NALCN: variants seen among roughly 807,000 people sequenced by gnomAD.
The protein encoded by NALCN is sodium leak channel NALCN.
NALCN carries 111 observed loss-of-function variants against 225.3 expected under a neutral mutation model. The ratio of observed to expected loss-of-function variants is 0.49; its 90% CI spans 0.42 to 0.58. The LOEUF (loss-of-function observed/expected upper bound fraction) is 0.58. Among genes scored for constraint, NALCN ranks in the 20% least tolerant of loss-of-function variants. The pLI is 0.00. For missense variants in NALCN, 1,378 were observed against 2,202.4 expected (o/e 0.63, Z 7.49); for synonymous variants, 764 against 769.0 (o/e 0.99, Z 0.11).
At chr13:101,293,825 G>A (rs1436450694) in intron 7 of NALCN, among the ~76,000 whole-genome samples, 1 of 152,164 alleles carries the variant, frequency 6.6e-6, no homozygotes, top group Non-Finnish European at 1.5e-5. Context: ...ATTAATGTGT[G>A]CTAATATACT....
At chr13:101,081,195 G>A (rs2033627958) in intron 34 of NALCN, among the ~76,000 whole-genome samples, 1 of 152,232 alleles carries the variant, frequency 6.6e-6, no homozygotes, top group Admixed American at 6.5e-5. Flanking sequence ...ACAGTTCTCA[G>A]TCTCTGTTGC....
intron 39 of NALCN, 130 bp downstream of exon 39, chr13:101,067,788 T>C (rs2139438107): frequency 2.9e-6 from 2 of 697,128 alleles, no homozygotes; most frequent in Non-Finnish European, 5.1e-6. Context: ...CTGTAAATGA[T>C]GGCTTTCTGC....
intron 30 of NALCN, among the ~76,000 whole-genome samples, chr13:101,088,161 G>A (rs1566799121): frequency 6.6e-6 from 1 of 152,116 alleles, no homozygotes; most frequent in Non-Finnish European, 1.5e-5. Flanking sequence ...GAGGGTCCAA[G>A]TAGAGTCGGG....
At chr13:101,173,102 C>G (rs888396463) in intron 15 of NALCN, among the ~76,000 whole-genome samples, 1 of 152,218 alleles carries the variant, frequency 6.6e-6, no homozygotes, top group Non-Finnish European at 1.5e-5. Flanking sequence ...CGCAGCAAGA[C>G]TGTAACTCCA....
chr13:101,097,561 C>T (rs1473451054), intron 27 of NALCN, among the ~76,000 whole-genome samples: 3 of 152,180 alleles, frequency 2.0e-5, no homozygotes, highest in Non-Finnish European at 4.4e-5. Context: ...CCTGCTTCTC[C>T]ACTTATTAGG....
In NALCN at chr13:101,133,952, G is replaced by A. The variant is rs542367946; in HGVS notation, c.2118+9128C>T. On this transcript the variant is annotated intron_variant, in intron 17 of 43. Coordinates refer to ENST00000251127, the MANE Select transcript of NALCN (RefSeq NM_052867.4). ...TGGGAGGCCGAGGTGGGTGGATCAC[G>A]AGGTCAGGAGATCGAGACCATCCTG... is the stretch of plus-strand genomic sequence containing the variant. 1.4e-3 allele frequency among the ~76,000 whole-genome samples: 208 copies of A among 152,170 alleles called. 1 individual carries two copies. The highest frequency in any genetic ancestry group is 4.6e-3 in the African/African-American group (189 of 41,522).
At chr13:101,374,527 T>G (rs887803208) in intron 6 of NALCN, among the ~76,000 whole-genome samples, 3 of 152,106 alleles carry the variant, frequency 2.0e-5, no homozygotes, top group Non-Finnish European at 4.4e-5. Context: ...CCTCAGGTTA[T>G]CTACCCTCCT....
intron 6 of NALCN, among the ~76,000 whole-genome samples, chr13:101,369,383 C>T (rs562859458): frequency 1.3e-5 from 2 of 152,168 alleles, no homozygotes; most frequent in African/African-American, 4.8e-5. Context: ...TGTTTTCATG[C>T]ATTTTTTCAG....
intron 15 of NALCN, among the ~76,000 whole-genome samples, chr13:101,148,502 C>T (rs1329975267): frequency 6.6e-6 from 1 of 152,192 alleles, no homozygotes; most frequent in African/African-American, 2.4e-5. Context: ...AAGATGGTCT[C>T]ATTCTGAGGA....
In NALCN at chr13:101,395,504, C is replaced by T. The variant is rs899503653; in HGVS notation, c.109-139G>A. 9.8e-6 allele frequency: 7 copies of T among 715,816 alleles called. No individual in the cohort carries two copies. In the Admixed American group the frequency reaches 1.1e-4, roughly 11 times the overall value. The allele number at this position is 715,816 out of a possible 1,614,324, so 44.3% of individuals were successfully genotyped here. ...TGGAGGTGAAGAAGAAGAAATCTAA[C>T]ACTAAGTGCATATAATGTGCTACAA... is the stretch of plus-strand genomic sequence containing the variant. On this transcript the variant is annotated intron_variant, in intron 2 of 43. Coordinates refer to ENST00000251127, the MANE Select transcript of NALCN (RefSeq NM_052867.4).
At chr13:101,055,595 T>A in intron 43 of NALCN, 107 bp from the exon 44 acceptor site, 1 of 873,206 alleles carries the variant, frequency 1.1e-6, no homozygotes, top group South Asian at 2.0e-5. Flanking sequence ...GGCTAACGTG[T>A]CCTAGCCACA....
chr13:101,374,880 A>T (rs2046644283), intron 6 of NALCN, among the ~76,000 whole-genome samples: 1 of 152,230 alleles, frequency 6.6e-6, no homozygotes, highest in Admixed American at 6.5e-5. Context: ...TTATATAATT[A>T]TTAGGAGTTG....
intron 2 of NALCN, 118 bp from the exon 3 acceptor site, chr13:101,395,483 G>A: frequency 1.1e-6 from 1 of 893,648 alleles, no homozygotes; most frequent in South Asian, 2.1e-5. Flanking sequence ...CTAATGTGGA[G>A]GTGAAGAAGA....
intron 40 of NALCN, 119 bp from the exon 41 acceptor site, chr13:101,062,237 A>C: frequency 1.8e-6 from 2 of 1,083,326 alleles, no homozygotes; most frequent in Non-Finnish European, 2.6e-6. Flanking sequence ...TTTTGACGCC[A>C]CCCCTCGCCA....
intron 7 of NALCN, among the ~76,000 whole-genome samples, chr13:101,294,386 T>C (rs935466152): frequency 1.1e-4 from 16 of 152,038 alleles, no homozygotes; most frequent in African/African-American, 2.4e-4. Flanking sequence ...ATCCTAAATA[T>C]CTTGATTTGA....
At chr13:101,133,642 T>A (rs1473926333) in intron 17 of NALCN, among the ~76,000 whole-genome samples, 2 of 152,190 alleles carry the variant, frequency 1.3e-5, no homozygotes, top group Non-Finnish European at 2.9e-5. Flanking sequence ...CCAAAGTGCA[T>A]ACGACAGATC....
chr13:101,159,700 C>T (rs1160978914), intron 15 of NALCN, among the ~76,000 whole-genome samples: 2 of 152,036 alleles, frequency 1.3e-5, no homozygotes, highest in African/African-American at 4.8e-5. Context: ...GGGTCTAGTG[C>T]AGGGGCCCAG....
At chr13:101,181,362 A>T (rs1479275152) in intron 14 of NALCN, 2 of 516,164 alleles carry the variant, frequency 3.9e-6, no homozygotes, top group Non-Finnish European at 7.8e-6. Context: ...AAGTGATGAC[A>T]TCAGTTTCTT....
At chr13:101,258,129 T>C (rs2140215683) in intron 11 of NALCN, among the ~76,000 whole-genome samples, 1 of 152,220 alleles carries the variant, frequency 6.6e-6, no homozygotes, top group Middle Eastern at 3.4e-3. Context: ...GGAAACAAAC[T>C]AATGTACGCT....
Sources: gnomAD v4.1 joint callset for allele counts (sites outside exome capture counted in the v4.1 genomes callset) on GRCh38, gnomAD v4.1.1 for gene constraint, MANE v1.5 for transcripts, NCBI Gene and HGNC (gene_info 2026-07-23, HGNC 2026-07-21) for gene names.